The following HOMER1 variants were observed in gnomAD, a reference collection of about 807,000 sequenced individuals.
HOMER1 encodes the protein homer protein homolog 1.
HOMER1 carries 3 observed loss-of-function variants against 48.9 expected under a neutral mutation model. The observed-to-expected ratio is 0.06, with a 90% CI of 0.03 to 0.16. HOMER1 has a LOEUF of 0.16. Among genes scored for constraint, HOMER1 ranks in the 10% least tolerant of loss-of-function variants. HOMER1 has a pLI of 1.00. For missense variants in HOMER1, 247 were observed against 411.4 expected (o/e 0.60, Z 3.46); for synonymous variants, 134 against 146.4 (o/e 0.92, Z 0.61).
intron 5 of HOMER1, among the ~76,000 whole-genome samples, chr5:79,438,123 A>G (rs1334882061): frequency 6.6e-6 from 1 of 152,252 alleles, no homozygotes; most frequent in Non-Finnish European, 1.5e-5. Flanking sequence ...AGGGTTGAAG[A>G]GTATCTCACT....
At chr5:79,509,404 T>C (rs1299391251) in intron 1 of HOMER1, among the ~76,000 whole-genome samples, 5 of 151,010 alleles carry the variant, frequency 3.3e-5, no homozygotes, top group Admixed American at 2.0e-4. Context: ...ATGAAATAAG[T>C]GGTTGAAGTT....
chr5:79,437,287 T>G (rs1309096101), intron 5 of HOMER1, among the ~76,000 whole-genome samples: 1 of 152,216 alleles, frequency 6.6e-6, no homozygotes, highest in Non-Finnish European at 1.5e-5. Context: ...ATCAAGTATA[T>G]AATTATGTTC....
intron 1 of HOMER1, among the ~76,000 whole-genome samples, chr5:79,457,671 T>A (rs1751209936): frequency 6.6e-6 from 1 of 152,200 alleles, no homozygotes; most frequent in Admixed American, 6.6e-5. Flanking sequence ...AAGGTGTCTT[T>A]AAGTAGAAAC....
intron 6 of HOMER1, among the ~76,000 whole-genome samples, chr5:79,401,519 C>T (rs755904701): frequency 1.3e-5 from 2 of 152,126 alleles, no homozygotes; most frequent in Non-Finnish European, 2.9e-5. Context: ...CCCGCTTCAC[C>T]GTCAACACCC....
chr5:79,436,912 G>T (rs1221419268), intron 5 of HOMER1, among the ~76,000 whole-genome samples: 1 of 152,096 alleles, frequency 6.6e-6, no homozygotes, highest in African/African-American at 2.4e-5. Context: ...TTTTCTGTAA[G>T]AACTACAAGA....
intron 8 of HOMER1, among the ~76,000 whole-genome samples, chr5:79,394,969 G>A (rs1749344829): frequency 1.3e-5 from 2 of 152,252 alleles, no homozygotes; most frequent in South Asian, 4.2e-4. Flanking sequence ...GTATATAACT[G>A]AAAATACTTT....
chr5:79,498,834 A>AC (rs1752495067), intron 1 of HOMER1, among the ~76,000 whole-genome samples: 1 of 127,760 alleles, frequency 7.8e-6, no homozygotes, highest in Non-Finnish European at 1.6e-5. Flanking sequence ...GCAGGTCTCC[A>AC]CTTTTTTTTT....
chr5:79,464,046 G>C (rs1751388888), intron 1 of HOMER1, among the ~76,000 whole-genome samples: 1 of 152,130 alleles, frequency 6.6e-6, no homozygotes. Context: ...TTTAGGTATT[G>C]TTTAATTTTT....
At chr5:79,507,556 A>G (rs1752813993) in intron 1 of HOMER1, among the ~76,000 whole-genome samples, 2 of 152,208 alleles carry the variant, frequency 1.3e-5, no homozygotes, top group African/African-American at 4.8e-5. Context: ...AAAATGTTTT[A>G]TAGTCATTTA....
At chr5:79,443,804 AACTCCCATTATTAACCATG>A (rs1750803436) in intron 4 of HOMER1, among the ~76,000 whole-genome samples, 2 of 152,296 alleles carry the variant, frequency 1.3e-5, no homozygotes, top group South Asian at 4.1e-4. Flanking sequence ...CAGATTCTAG[AACTCCCATTATTAACCATG>A]ACCTGACACT....
At chr5:79,503,695 G>A (rs1189301221) in intron 1 of HOMER1, among the ~76,000 whole-genome samples, 1 of 148,254 alleles carries the variant, frequency 6.7e-6, no homozygotes, top group African/African-American at 2.5e-5. Flanking sequence ...ACAAAAATTA[G>A]CTGGGTGGGA....
intron 1 of HOMER1, among the ~76,000 whole-genome samples, chr5:79,497,059 CAAA>C (rs5868996): frequency 3.8e-5 from 2 of 52,780 alleles, no homozygotes; most frequent in Non-Finnish European, 7.0e-5. Flanking sequence ...GACTTTGTCT[CAAA>C]AAAAAAAAAA....
At chr5:79,459,706 A>G (rs6453451) in intron 1 of HOMER1, among the ~76,000 whole-genome samples, 32,139 of 152,152 alleles carry the variant, frequency 0.21, 3,737 homozygotes, top group East Asian at 0.37. Context: ...GAAAAATTCA[A>G]TTTGGTGACA....
intron 8 of HOMER1, among the ~76,000 whole-genome samples, chr5:79,378,221 T>TTAAAAAAAAAAAAAA (rs756900477): frequency 2.1e-5 from 2 of 97,484 alleles, no homozygotes; most frequent in Admixed American, 1.2e-4. Flanking sequence ...AGACTCTGTC[T>TTAAAAAAAAAAAAAA]CAAAAAAAAA....
intron 1 of HOMER1, among the ~76,000 whole-genome samples, chr5:79,503,403 G>A (rs561137340): frequency 2.6e-5 from 4 of 151,532 alleles, no homozygotes; most frequent in Admixed American, 1.3e-4. Context: ...GGCAGCATGC[G>A]CCTGTAATCC....
chr5:79,399,787 A>G (rs1190870401), intron 6 of HOMER1, among the ~76,000 whole-genome samples: 1 of 151,962 alleles, frequency 6.6e-6, no homozygotes, highest in Non-Finnish European at 1.5e-5. Flanking sequence ...ACTTATAATC[A>G]AGACAAAATT....
chr5:79,461,188 A>G (rs1487897083), intron 1 of HOMER1, among the ~76,000 whole-genome samples: 1 of 152,242 alleles, frequency 6.6e-6, no homozygotes. Context: ...GCAGTAGAGA[A>G]GCTATATCTA....
intron 5 of HOMER1, among the ~76,000 whole-genome samples, chr5:79,425,876 T>C (rs777773773): frequency 5.9e-5 from 9 of 151,968 alleles, no homozygotes; most frequent in Non-Finnish European, 1.2e-4. Context: ...ATGATCTAAT[T>C]AGAAAAAGCA....
At chr5:79,408,331 A>G (rs981099860) in intron 5 of HOMER1, among the ~76,000 whole-genome samples, 2 of 152,226 alleles carry the variant, frequency 1.3e-5, no homozygotes, top group African/African-American at 4.8e-5. Context: ...GGTGAAATAA[A>G]GAGTTTTTCA....
Sources: allele counts gnomAD v4.1 joint callset (sites outside exome capture counted in the v4.1 genomes callset), GRCh38; gene constraint gnomAD v4.1.1; transcripts MANE v1.5; gene names NCBI Gene and HGNC (gene_info 2026-07-23, HGNC 2026-07-21).